Variants in PRKD1 observed in about 807,000 individuals in gnomAD.
PRKD1 encodes the protein protein kinase D1, also known as serine/threonine-protein kinase D1.
In PRKD1, 63 loss-of-function variants were observed where a neutral mutation model predicts 95.9. That is an observed-to-expected ratio of 0.66 (90% confidence interval 0.54 to 0.81). The LOEUF is 0.81. PRKD1 is among the 30% of genes least tolerant of loss of function. PRKD1 has a pLI of 0.00. For missense variants in PRKD1, 1,048 were observed against 1,165.3 expected (o/e 0.90, Z 1.47); for synonymous variants, 425 against 423.1 (o/e 1.00, Z -0.05).
In PRKD1 at chr14:29,599,767, A is replaced by C; in HGVS notation, c.1956T>G (p.Pro652=). ...TTTCCATAACAACAAACACTCTTTC[A>C]GGCGTCTCAAACATACACTCCAAAT... is the stretch of plus-strand genomic sequence containing the variant. The part of the protein sequence containing the change: ...VVNLECMFET[P]ERVFVVMEKL... Residue 652 remains proline (P), a synonymous_variant, in exon 14 of 18, where the codon CCT becomes CCG. Transcript: ENST00000331968. 1 of 1,613,186 alleles carries C rather than the reference A, an allele frequency of 6.2e-7. No homozygotes were observed. Among genetic ancestry groups the C allele is most frequent in the East Asian group, 2.2e-5 (1 of 44,832 alleles).
chr14:29,899,316 T>C (rs1188955770), intron 1 of PRKD1, among the ~76,000 whole-genome samples: 1 of 152,182 alleles, frequency 6.6e-6, no homozygotes, highest in African/African-American at 2.4e-5. Flanking sequence ...ATCTATTTTG[T>C]ACAATACACC....
At chr14:29,609,706 A>ATTTC (rs201290134) in intron 13 of PRKD1, among the ~76,000 whole-genome samples, 656 of 37,114 alleles carry the variant, frequency 0.018, 24 homozygotes, top group African/African-American at 0.046. Flanking sequence ...ACGCCCAGCT[A>ATTTC]TTTCTTTATT....
At chr14:29,892,714 G>C (rs572136817) in intron 1 of PRKD1, among the ~76,000 whole-genome samples, 2 of 152,252 alleles carry the variant, frequency 1.3e-5, no homozygotes, top group East Asian at 1.9e-4. Context: ...GGACCCATCA[G>C]ACTGAGATGT....
rs1379732377 is a variant in PRKD1, at chr14:29,927,699, A to AGGGGAGGAGAT, written c.-198_-188dup. 3.3e-5 allele frequency: 6 copies of AGGGGAGGAGAT among 180,980 alleles called. No homozygotes were observed. In the East Asian group the frequency reaches 9.9e-4, roughly 30 times the overall value. The allele number at this position is 180,980 out of a possible 1,614,324, so 11.2% of individuals were successfully genotyped here. Reference sequence around the variant, plus strand: ...TGAGGATCGGGAGGGGAGGGGACTAAGGGGAGGAGATGGGGAGGAGGGAAA... The same window carrying AGGGGAGGAGAT: ...TGAGGATCGGGAGGGGAGGGGACTAAGGGGAGGAGATGGGGAGGAGATGGGGAGGAGGGAAA... On this transcript the variant is annotated 5_prime_UTR_variant, in exon 1 of 18. Coordinates refer to ENST00000331968, the MANE Select transcript of PRKD1 (RefSeq NM_002742.3).
intron 13 of PRKD1, among the ~76,000 whole-genome samples, chr14:29,619,875 A>C (rs1303080511): frequency 6.6e-6 from 1 of 152,104 alleles, no homozygotes; most frequent in East Asian, 1.9e-4. Context: ...AGTCAATCCT[A>C]AGCCAAAAGA....
chr14:29,788,485 T>G (rs999170387), intron 1 of PRKD1, among the ~76,000 whole-genome samples: 2 of 152,212 alleles, frequency 1.3e-5, no homozygotes, highest in Non-Finnish European at 2.9e-5. Flanking sequence ...AATTTTTAAC[T>G]GCTATTTTGT....
intron 1 of PRKD1, among the ~76,000 whole-genome samples, chr14:29,864,601 C>G (rs1022454716): frequency 2.6e-5 from 4 of 152,100 alleles, no homozygotes; most frequent in African/African-American, 9.7e-5. Context: ...AATAGACATT[C>G]TAAATGTTCC....
intron 2 of PRKD1, among the ~76,000 whole-genome samples, chr14:29,676,166 T>C (rs192070432): frequency 3.7e-4 from 55 of 150,658 alleles, no homozygotes; most frequent in African/African-American, 1.0e-3. Context: ...TAGGCATGCA[T>C]AGTTCATTAC....
At chr14:29,852,100 A>G (rs1566636788) in intron 1 of PRKD1, among the ~76,000 whole-genome samples, 1 of 152,050 alleles carries the variant, frequency 6.6e-6, no homozygotes, top group Non-Finnish European at 1.5e-5. Flanking sequence ...GATGGAGAGA[A>G]ACAAGGGTTT....
At chr14:29,634,381 A>G in intron 8 of PRKD1, 37 bp downstream of exon 8, 1 of 1,613,476 alleles carries the variant, frequency 6.2e-7, no homozygotes, top group East Asian at 2.2e-5. Context: ...AATTAAAGCT[A>G]GCAAGGCAAG....
chr14:29,711,833 T>G (rs1885347984), intron 2 of PRKD1, among the ~76,000 whole-genome samples: 1 of 152,148 alleles, frequency 6.6e-6, no homozygotes, highest in Non-Finnish European at 1.5e-5. Flanking sequence ...ACCATTACTT[T>G]TATTACTTTT....
intron 1 of PRKD1, among the ~76,000 whole-genome samples, chr14:29,771,667 C>G (rs1307667681): frequency 6.6e-6 from 1 of 152,150 alleles, no homozygotes; most frequent in Non-Finnish European, 1.5e-5. Flanking sequence ...GAACTCAGAA[C>G]TGTAGATACA....
At position 29,578,331 on chromosome 14, in the gene PRKD1, C is replaced by T; in HGVS notation, c.2464G>A (p.Val822Ile). The stretch of plus-strand genomic sequence containing the variant: ...ACACTGTAGCGCTTTCTCATTTTTA[C>T]TTGCAGCAAATTGTTGATAAGATCA... ...AIDLINNLLQ[V>I]KMRKRYSVDK... is the part of the protein sequence containing the mutation. The change falls in exon 17 of 18, where the codon GTA becomes ATA. Residue 822 changes from valine to isoleucine, a missense_variant. Physicochemically the swap from Val to Ile is conservative, Grantham distance 29 (BLOSUM62 3). Around this residue, in one of 3 missense-constraint regions of PRKD1, gnomAD observed 739 missense variants for 861.9 expected, o/e 0.86. Coordinates refer to ENST00000331968, the MANE Select transcript of PRKD1 (RefSeq NM_002742.3). 6.2e-7 allele frequency: 1 copy of T among 1,610,496 alleles called. No individual in the cohort carries two copies. The highest frequency in any genetic ancestry group is 8.5e-7 in the Non-Finnish European group (1 of 1,178,530).
chr14:29,753,330 G>A (rs1476652509), intron 1 of PRKD1, among the ~76,000 whole-genome samples: 3 of 152,052 alleles, frequency 2.0e-5, no homozygotes. Flanking sequence ...AACTTAAGTA[G>A]CTGCTTATTT....
At chr14:29,908,202 A>G (rs1894561693) in intron 1 of PRKD1, among the ~76,000 whole-genome samples, 1 of 152,144 alleles carries the variant, frequency 6.6e-6, no homozygotes, top group Non-Finnish European at 1.5e-5. Flanking sequence ...AAGAATCATT[A>G]TAATTCTGAA....
chr14:29,885,124 T>TTAAAAAAAAAAAAA (rs1232960518), intron 1 of PRKD1, among the ~76,000 whole-genome samples: 16 of 131,072 alleles, frequency 1.2e-4, no homozygotes, highest in African/African-American at 4.6e-4. Flanking sequence ...CTCCATCTTT[T>TTAAAAAAAAAAAAA]AAAAAAAAAA....
chr14:29,636,082 G>A (rs1450277531), intron 7 of PRKD1, among the ~76,000 whole-genome samples: 5 of 151,314 alleles, frequency 3.3e-5, no homozygotes, highest in African/African-American at 7.3e-5. Context: ...ATGAGGTGAT[G>A]CTGGGAAAGA....
At chr14:29,854,324 G>A (rs1317515495) in intron 1 of PRKD1, among the ~76,000 whole-genome samples, 1 of 152,208 alleles carries the variant, frequency 6.6e-6, no homozygotes, top group Non-Finnish European at 1.5e-5. Flanking sequence ...GGCTGAGATG[G>A]TCTCAGATGG....
At chr14:29,605,117 G>A (rs16895) in intron 13 of PRKD1, among the ~76,000 whole-genome samples, 30,683 of 151,814 alleles carry the variant, frequency 0.2, 3,457 homozygotes, top group African/African-American at 0.29. Context: ...GCCTTGGTTC[G>A]AGCCCTCATC....
Sources: allele counts gnomAD v4.1 joint callset (sites outside exome capture counted in the v4.1 genomes callset), GRCh38; gene constraint gnomAD v4.1.1; regional missense constraint gnomAD v4.1.1; transcripts MANE v1.5; gene names NCBI Gene and HGNC (gene_info 2026-07-23, HGNC 2026-07-21).